The following ACOT7 variants were observed in gnomAD, a reference collection of about 807,000 sequenced individuals.
The protein encoded by ACOT7 is acyl-CoA thioesterase 7.
In ACOT7, 12 loss-of-function variants were observed where a neutral mutation model predicts 40.2. That is an observed-to-expected ratio of 0.30 (90% CI 0.19 to 0.48). The LOEUF (loss-of-function observed/expected upper bound fraction) is 0.48. Ranked by LOEUF, ACOT7 falls within the 20% of genes least tolerant of loss-of-function variation. The pLI is 0.99. For missense variants in ACOT7, 395 were observed against 530.8 expected (o/e 0.74, Z 2.51); for synonymous variants, 228 against 219.5 (o/e 1.04, Z -0.34).
In ACOT7 at chr1:6,352,312, C is replaced by G. The variant is rs1641613099; in HGVS notation, c.144-2446G>C. The stretch of plus-strand genomic sequence containing the variant: ...GCCTCAGCTGGGATTCCTTCCCATC[C>G]TGCATACCACCACCAGCTGCTCCAC... On this transcript the variant is annotated intron_variant, in intron 1 of 8. Transcript: ENST00000361521. The surrounding 1 kb of genome is among the most constrained non-coding windows in gnomAD (Gnocchi z 4.5). The G allele has an allele frequency of 1.3e-5, 2 of 152,674 alleles. No homozygotes were observed. Among genetic ancestry groups the G allele is most frequent in the South Asian group, 4.1e-4 (2 of 4,842 alleles). 9.5% of individuals were successfully genotyped at this position (152,674 alleles called of 1,614,324 possible).
intron 8 of ACOT7, among the ~76,000 whole-genome samples, chr1:6,279,325 G>GGT (rs1348364525): frequency 6.6e-6 from 1 of 152,188 alleles, no homozygotes; most frequent in East Asian, 1.9e-4. Context: ...GGGCAAGGCG[G>GGT]GTAGGCTTAC....
chr1:6,350,338 C>T (rs79873139), intron 1 of ACOT7, among the ~76,000 whole-genome samples: 3,406 of 152,300 alleles, frequency 0.022, 119 homozygotes, highest in African/African-American at 0.078. Flanking sequence ...AAACATGAGT[C>T]GCAGCTTCAA....
In ACOT7 at chr1:6,312,390, C is replaced by T. The variant is rs554302424; in HGVS notation, c.712+6102G>A. 1.7e-4 allele frequency among the ~76,000 whole-genome samples: 26 copies of T among 152,084 alleles called. 2 individuals carry two copies. In the South Asian group the frequency reaches 4.8e-3, roughly 28 times the overall value. On this transcript the variant is annotated intron_variant, in intron 6 of 8. Coordinates refer to ENST00000361521, the MANE Select transcript of ACOT7 (RefSeq NM_007274.4). ...AGATAAATGCTTGAGGAAATGGATA[C>T]CTCATTCCCCATGATGTGCTTTCTT...
intron 8 of ACOT7, among the ~76,000 whole-genome samples, chr1:6,277,896 T>C (rs968114482): frequency 1.3e-5 from 2 of 152,222 alleles, no homozygotes; most frequent in East Asian, 1.9e-4. Flanking sequence ...AGGCCCCCCA[T>C]CTTCACCCAC....
At chr1:6,388,919 T>C (rs1309422442) in intron 1 of ACOT7, among the ~76,000 whole-genome samples, 3 of 150,936 alleles carry the variant, frequency 2.0e-5, no homozygotes. Flanking sequence ...CGGATGCCTG[T>C]AGTCCCAGCT....
chr1:6,393,529 G>A lies in ACOT7; in HGVS notation c.-130C>T, dbSNP rs1642575294. The A allele has an allele frequency of 3.6e-6, 3 of 837,860 alleles. No individual in the cohort carries two copies. The highest frequency in any genetic ancestry group is 1.2e-4 in the South Asian group (2 of 16,302). The allele number at this position is 837,860 out of a possible 1,614,324, so 51.9% of individuals were successfully genotyped here. On this transcript the variant is annotated 5_prime_UTR_variant, in exon 1 of 9. Coordinates refer to ENST00000361521, the MANE Select transcript of ACOT7 (RefSeq NM_007274.4). ...CCCCACCCCGAGCCCCGCCTCCCAG[G>A]CCGCCAAGGCTGCAGAGAGCTCGCG... is the stretch of plus-strand genomic sequence containing the variant.
rs1457245107 is a variant in ACOT7 at position 6,355,522 on chromosome 1, G to A, written c.144-5656C>T. 6.6e-6 allele frequency among the ~76,000 whole-genome samples: 1 copy of A among 152,172 alleles called. No homozygotes were observed. The highest frequency in any genetic ancestry group is 1.5e-5 in the Non-Finnish European group (1 of 68,028). ...GCAAGGCACAGAGCCATGGGAGCAA[G>A]GTGACCACCTGGGGCGCAGGGACGA... On this transcript the variant is annotated intron_variant, in intron 1 of 8. Coordinates refer to ENST00000361521, the MANE Select transcript of ACOT7 (RefSeq NM_007274.4). The surrounding 1 kb of genome is among the most constrained non-coding windows in gnomAD (Gnocchi z 5.0).
chr1:6,378,392 C>T (rs1394739270), intron 1 of ACOT7, among the ~76,000 whole-genome samples: 3 of 151,968 alleles, frequency 2.0e-5, no homozygotes, highest in Non-Finnish European at 4.4e-5. Flanking sequence ...CAGGTCCCAG[C>T]CAACAAGTCC....
chr1:6,343,290 A>G (rs1440841495), intron 2 of ACOT7, among the ~76,000 whole-genome samples: 4 of 152,146 alleles, frequency 2.6e-5, no homozygotes, highest in Admixed American at 6.5e-5. Context: ...CTACATGAGG[A>G]CTCACTGAGG....
In ACOT7 at chr1:6,370,507, T is replaced by A. The variant is rs576152222; in HGVS notation, c.144-20641A>T. On this transcript the variant is annotated intron_variant, in intron 1 of 8. Coordinates refer to ENST00000361521, the MANE Select transcript of ACOT7 (RefSeq NM_007274.4). Reference sequence around the variant, plus strand: ...TATTATTATTATTATTATTATTATTTGAAATGGAGTCTCGTTCTGTCACCT... The same window carrying A: ...TATTATTATTATTATTATTATTATTAGAAATGGAGTCTCGTTCTGTCACCT... 4.3e-5 allele frequency among the ~76,000 whole-genome samples: 6 copies of A among 139,422 alleles called. No homozygotes were observed. In the South Asian group the frequency reaches 9.2e-4, roughly 21 times the overall value. The allele number at this position is 139,422 out of a possible 152,430, so 91.5% of individuals were successfully genotyped here.
intron 1 of ACOT7, among the ~76,000 whole-genome samples, chr1:6,379,752 G>A (rs765353318): frequency 2.6e-5 from 4 of 151,762 alleles, no homozygotes; most frequent in Non-Finnish European, 5.9e-5. Flanking sequence ...GTGAGCCACA[G>A]CATCTATCCT....
intron 1 of ACOT7, among the ~76,000 whole-genome samples, chr1:6,387,687 C>G (rs573568638): frequency 6.6e-6 from 1 of 152,316 alleles, no homozygotes; most frequent in African/African-American, 2.4e-5. Flanking sequence ...CTGACCAGAA[C>G]TGGGGAGCCA....
intron 2 of ACOT7, among the ~76,000 whole-genome samples, chr1:6,342,702 G>A (rs56165846): frequency 0.01 from 1,582 of 152,278 alleles, 28 homozygotes; most frequent in African/African-American, 0.037. Context: ...TAGAGATGTG[G>A]GGCACCCCCA....
intron 6 of ACOT7, among the ~76,000 whole-genome samples, chr1:6,304,746 G>A (rs1462953591): frequency 7.5e-6 from 1 of 133,408 alleles, no homozygotes; most frequent in East Asian, 2.1e-4. Context: ...CAAGGCAGAA[G>A]AATTTTTCTT....
rs948259421 is a variant in ACOT7 at position 6,288,905 on chromosome 1, C to A, written c.829+5959G>T. Among the ~76,000 whole-genome samples, 15 of 152,292 alleles carry A rather than the reference C, an allele frequency of 9.8e-5. No individual in the cohort carries two copies. Among genetic ancestry groups the A allele is most frequent in the African/African-American group, 3.1e-4 (13 of 41,566 alleles). On this transcript the variant is annotated intron_variant, in intron 7 of 8. Transcript: ENST00000361521. The surrounding 1 kb of genome is among the most constrained non-coding windows in gnomAD (Gnocchi z 4.3). ...GTCCGTGTAACTTCCTGACAGACACCCCACCCAAGCGAGGGCAAGCCACAG... is the reference window on the plus strand; with the variant it reads ...GTCCGTGTAACTTCCTGACAGACACACCACCCAAGCGAGGGCAAGCCACAG...
intron 5 of ACOT7, among the ~76,000 whole-genome samples, chr1:6,325,706 C>A (rs908658265): frequency 1.3e-5 from 2 of 152,154 alleles, no homozygotes; most frequent in African/African-American, 4.8e-5. Flanking sequence ...AGTTGACCCG[C>A]CCAGAAAACA....
chr1:6,315,778 A>T lies in ACOT7; in HGVS notation c.712+2714T>A, dbSNP rs938505194. Among the ~76,000 whole-genome samples the T allele has an allele frequency of 6.0e-4, 88 of 146,552 alleles. 1 individual carries two copies. In the East Asian group the frequency reaches 0.016, roughly 27 times the overall value. On this transcript the variant is annotated intron_variant, in intron 6 of 8. Transcript: ENST00000361521. The stretch of plus-strand genomic sequence containing the variant: ...TAAAAAAAAAAAAAAAAAAAAAAAA[A>T]AGAGAGAAGGTTAAGCTTGGTAAAA...
intron 8 of ACOT7, 129 bp from the exon 9 acceptor site, chr1:6,264,824 CACGCCTCGGCCCCGCTGGCCTCCTGGG>C: frequency 1.1e-6 from 1 of 924,504 alleles, no homozygotes; most frequent in Non-Finnish European, 1.6e-6. Context: ...TGCTGAGTAC[CACGCCTCGGCCCCGCTGGCCTCCTGGG>C]ACTGCCGGGT....
intron 7 of ACOT7, among the ~76,000 whole-genome samples, chr1:6,292,712 T>C (rs1639704928): frequency 6.7e-6 from 1 of 150,244 alleles, no homozygotes; most frequent in Admixed American, 6.6e-5. Context: ...GACAGATTCT[T>C]GCTCTGTTGC....
Sources: allele counts gnomAD v4.1 joint callset (sites outside exome capture counted in the v4.1 genomes callset), GRCh38; gene constraint gnomAD v4.1.1; non-coding constraint Gnocchi (gnomAD v3.1); transcripts MANE v1.5; gene names NCBI Gene and HGNC (gene_info 2026-07-23, HGNC 2026-07-21).